PDE10A: variants seen among roughly 807,000 people sequenced by gnomAD.
The protein encoded by PDE10A is cAMP and cAMP-inhibited cGMP 3',5'-cyclic phosphodiesterase 10A.
PDE10A carries 39 observed loss-of-function variants against 97.7 expected under a neutral mutation model. The ratio of observed to expected loss-of-function variants is 0.40; its 90% CI spans 0.31 to 0.52. PDE10A has a LOEUF of 0.52. Among genes scored for constraint, PDE10A ranks in the 20% least tolerant of loss-of-function variants. The pLI, the probability that PDE10A is intolerant of heterozygous loss-of-function variation, is 0.56. For synonymous variants in PDE10A, 371 were observed against 376.8 expected (o/e 0.98, Z 0.18); for missense variants, 731 against 1,047.8 (o/e 0.70, Z 4.17).
intron 18 of PDE10A, among the ~76,000 whole-genome samples, chr6:165,376,848 G>T (rs1373830622): frequency 1.3e-5 from 2 of 152,306 alleles, no homozygotes; most frequent in Middle Eastern, 3.4e-3. Flanking sequence ...GCGCCCAGGA[G>T]TTTGAGGCTG....
chr6:165,572,120 A>G (rs1392438928), intron 1 of PDE10A, among the ~76,000 whole-genome samples: 1 of 152,210 alleles, frequency 6.6e-6, no homozygotes, highest in Non-Finnish European at 1.5e-5. Context: ...TATTACCTCT[A>G]AAACTCTGAT....
chr6:165,575,682 CCAT>C (rs1259164706), intron 1 of PDE10A, among the ~76,000 whole-genome samples: 2 of 152,194 alleles, frequency 1.3e-5, no homozygotes, highest in Non-Finnish European at 2.9e-5. Context: ...TTTTCTTTCA[CCAT>C]CAAAGTCAAA....
intron 2 of PDE10A, among the ~76,000 whole-genome samples, chr6:165,495,899 T>C (rs975900816): frequency 9.2e-5 from 14 of 152,182 alleles, no homozygotes; most frequent in Middle Eastern, 3.2e-3. Flanking sequence ...CTTGTCTTCA[T>C]GAAGCTGTAT....
At chr6:165,510,772 G>A (rs1378374097) in intron 2 of PDE10A, among the ~76,000 whole-genome samples, 1 of 151,946 alleles carries the variant, frequency 6.6e-6, no homozygotes, top group Non-Finnish European at 1.5e-5. Flanking sequence ...ATGCAGCCCG[G>A]AATTTATCCA....
chr6:165,965,713 G>T (rs1051912215), intron 1 of PDE10A, among the ~76,000 whole-genome samples: 1 of 152,100 alleles, frequency 6.6e-6, no homozygotes, highest in Non-Finnish European at 1.5e-5. Flanking sequence ...GAAATGTCTG[G>T]GCCTATGCGA....
chr6:165,412,267 T>A (rs538577936), intron 13 of PDE10A, among the ~76,000 whole-genome samples: 10 of 152,258 alleles, frequency 6.6e-5, no homozygotes, highest in Admixed American at 1.3e-4. Flanking sequence ...AGAGTAAACA[T>A]AATGCCAAAT....
intron 1 of PDE10A, among the ~76,000 whole-genome samples, chr6:165,713,784 C>T (rs1219272495): frequency 6.6e-6 from 1 of 152,148 alleles, no homozygotes; most frequent in Non-Finnish European, 1.5e-5. Flanking sequence ...ACACTTGGTA[C>T]ATTATTAACA....
chr6:165,406,312 G>A (rs1217278321), intron 13 of PDE10A, among the ~76,000 whole-genome samples: 1 of 150,660 alleles, frequency 6.6e-6, no homozygotes, highest in African/African-American at 2.4e-5. Flanking sequence ...AATTTTAGGA[G>A]ATAACTTTGT....
At chr6:165,503,838 G>T (rs553624373) in intron 2 of PDE10A, among the ~76,000 whole-genome samples, 4 of 152,174 alleles carry the variant, frequency 2.6e-5, no homozygotes, top group Middle Eastern at 3.4e-3. Flanking sequence ...GTAACTGAAA[G>T]ATCTTTATGG....
At chr6:165,410,959 T>C (rs71553122) in intron 13 of PDE10A, among the ~76,000 whole-genome samples, 10,375 of 28,044 alleles carry the variant, frequency 0.37, 4,333 homozygotes, top group African/African-American at 0.64. Flanking sequence ...GTGGTGGCGG[T>C]GCCTGTAGTC....
chr6:165,740,590 C>G (rs1044917208), intron 1 of PDE10A, among the ~76,000 whole-genome samples: 2 of 152,170 alleles, frequency 1.3e-5, no homozygotes, highest in Non-Finnish European at 2.9e-5. Context: ...GCCTCACCCT[C>G]CCAAAGTGCT....
chr6:165,859,397 T>C (rs931962367), intron 1 of PDE10A, among the ~76,000 whole-genome samples: 1 of 152,242 alleles, frequency 6.6e-6, no homozygotes, highest in African/African-American at 2.4e-5. Flanking sequence ...TGCAGAACTT[T>C]ATCATCAGAA....
intron 1 of PDE10A, among the ~76,000 whole-genome samples, chr6:165,714,488 A>G (rs1278673027): frequency 6.6e-6 from 1 of 152,206 alleles, no homozygotes; most frequent in East Asian, 1.9e-4. Context: ...AGAGATCGAC[A>G]CTCAGCTGCA....
chr6:165,430,244 CATTG>C, intron 9 of PDE10A, 39 bp downstream of exon 9: 1 of 1,399,590 alleles, frequency 7.1e-7, no homozygotes, highest in South Asian at 1.2e-5. Context: ...TAATTTAAAC[CATTG>C]ATTAATAAGA....
intron 18 of PDE10A, among the ~76,000 whole-genome samples, chr6:165,365,663 T>C (rs569352131): frequency 6.6e-6 from 1 of 152,264 alleles, no homozygotes; most frequent in South Asian, 2.1e-4. Context: ...AAGGCTGCAG[T>C]GAGCTGTGGT....
intron 1 of PDE10A, among the ~76,000 whole-genome samples, chr6:165,699,654 A>G (rs1187153390): frequency 6.6e-6 from 1 of 152,202 alleles, no homozygotes; most frequent in African/African-American, 2.4e-5. Flanking sequence ...TCCAGCAACA[A>G]TGGAATAAAA....
chr6:165,346,092 C>G (rs1251358771), intron 18 of PDE10A, among the ~76,000 whole-genome samples: 1 of 152,158 alleles, frequency 6.6e-6, no homozygotes, highest in Non-Finnish European at 1.5e-5. Flanking sequence ...AGGAGTTTAA[C>G]TTTTATTCCA....
chr6:165,892,612 G>C (rs1328522363), intron 1 of PDE10A, among the ~76,000 whole-genome samples: 1 of 152,178 alleles, frequency 6.6e-6, no homozygotes, highest in African/African-American at 2.4e-5. Context: ...GCAGGGCTTA[G>C]AGCTCCATGT....
At chr6:165,460,503 C>T (rs1778255658) in intron 3 of PDE10A, among the ~76,000 whole-genome samples, 1 of 152,126 alleles carries the variant, frequency 6.6e-6, no homozygotes, top group Non-Finnish European at 1.5e-5. Context: ...AAACGTCCTA[C>T]TTGTGAAATA....
Sources: gnomAD v4.1 joint callset for allele counts (sites outside exome capture counted in the v4.1 genomes callset) on GRCh38, gnomAD v4.1.1 for gene constraint, MANE v1.5 for transcripts, NCBI Gene and HGNC (gene_info 2026-07-23, HGNC 2026-07-21) for gene names.